MORC2: variants seen among roughly 807,000 people sequenced by gnomAD.
MORC2 encodes the protein ATPase MORC2.
A neutral mutation model predicts 136.0 loss-of-function variants in MORC2; 30 were observed. The observed-to-expected ratio is 0.22, with a 90% confidence interval of 0.17 to 0.30. The LOEUF (loss-of-function observed/expected upper bound fraction) is 0.30, where lower values mean the gene tolerates loss of function less well. Ranked by LOEUF, MORC2 falls within the 10% of genes least tolerant of loss-of-function variation. The pLI is 1.00. For missense variants in MORC2, 922 were observed against 1,333.1 expected, an observed-to-expected ratio of 0.69 and a Z score of 4.80; for synonymous variants, 439 against 487.0, an observed-to-expected ratio of 0.90 and a Z score of 1.30.
At chr22:30,939,149 A>G (rs1344975953) in intron 12 of MORC2, among the ~76,000 whole-genome samples, 3 of 152,198 alleles carry the variant, frequency 2.0e-5, no homozygotes, top group African/African-American at 4.8e-5. Context: ...TTCTAAATGC[A>G]AAAGTATACA....
chr22:30,967,319 T>C (rs2147335198), intron 1 of MORC2: 1 of 987,850 alleles, frequency 1.0e-6, no homozygotes, highest in Non-Finnish European at 1.2e-6. Context: ...TAATATTGGA[T>C]GTGAGCAATC....
chr22:30,943,763 C>T (rs1375303860), intron 6 of MORC2, among the ~76,000 whole-genome samples: 1 of 152,126 alleles, frequency 6.6e-6, no homozygotes, highest in Non-Finnish European at 1.5e-5. Flanking sequence ...GAGACGGAGT[C>T]TTGCTCTTGT....
intron 17 of MORC2, among the ~76,000 whole-genome samples, chr22:30,935,564 C>T (rs539790381): frequency 6.6e-6 from 1 of 152,210 alleles, no homozygotes; most frequent in East Asian, 1.9e-4. Flanking sequence ...TGTCAATAGA[C>T]TAAATTCCTA....
chr22:30,949,554 A>G (rs2072197580), intron 5 of MORC2, among the ~76,000 whole-genome samples, 198 bp downstream of exon 5: 1 of 152,228 alleles, frequency 6.6e-6, no homozygotes, highest in Non-Finnish European at 1.5e-5. Context: ...TTGGATGTTC[A>G]TACTTTTCAA....
At chr22:30,933,297 GA>G (rs1659077017) in intron 21 of MORC2, among the ~76,000 whole-genome samples, 168 bp downstream of exon 21, 1 of 152,288 alleles carries the variant, frequency 6.6e-6, no homozygotes, top group South Asian at 2.1e-4. Context: ...ACAAAGGGGT[GA>G]TCCCTTCAGA....
intron 3 of MORC2, among the ~76,000 whole-genome samples, chr22:30,951,138 G>C (rs1206630791): frequency 6.6e-6 from 1 of 152,232 alleles, no homozygotes; most frequent in Non-Finnish European, 1.5e-5. Flanking sequence ...GGACCTGCCT[G>C]ATGGGAAGAA....
rs12166075 is a variant in MORC2 at position 30,946,770 on chromosome 22, C to G, written c.318-321G>C. Among the ~76,000 whole-genome samples the G allele has an allele frequency of 0.027, 4,178 of 152,242 alleles. 192 individuals are homozygous for G. Among genetic ancestry groups the G allele is most frequent in the African/African-American group, 0.093 (3,875 of 41,508 alleles). ...ACCAGCCCCAGGTTAGTCTCACTCC[C>G]CCCACAACGCTGAAGAGTAACCCTG... On this transcript the variant is annotated intron_variant, in intron 5 of 25. Transcript: ENST00000397641.
Position 30,937,456 on chromosome 22 carries a change from G to A in MORC2, c.1498+127C>T. On this transcript the variant is annotated intron_variant, in intron 15 of 25. Coordinates refer to ENST00000397641, the MANE Select transcript of MORC2 (RefSeq NM_001303256.3). The surrounding 1 kb of genome is among the most constrained non-coding windows in gnomAD (Gnocchi z 4.7). Reference sequence around the variant, plus strand: ...GAGCTCACAGGGCCATCGTCAAACAGACTTGGATCCCTAGGGGACTGTAAG... The same window carrying A: ...GAGCTCACAGGGCCATCGTCAAACAAACTTGGATCCCTAGGGGACTGTAAG... 7.1e-7 allele frequency: 1 copy of A among 1,415,910 alleles called. No individual in the cohort carries two copies. The highest frequency in any genetic ancestry group is 2.3e-5 in the East Asian group (1 of 43,792). The allele number at this position is 1,415,910 out of a possible 1,614,324, so 87.7% of individuals were successfully genotyped here. A position where few individuals can be genotyped will look rare whatever the true frequency, so the allele number is the denominator to read the frequency against.
At chr22:30,958,509 G>C in intron 2 of MORC2, 132 bp downstream of exon 2, 1 of 534,996 alleles carries the variant, frequency 1.9e-6, no homozygotes, top group Non-Finnish European at 3.2e-6. Flanking sequence ...TTTAGTAAGA[G>C]GCATCCTAGG....
chr22:30,950,353 C>CCAAAAAAAAAAA, intron 4 of MORC2, 24 bp downstream of exon 4: 7 of 1,481,904 alleles, frequency 4.7e-6, no homozygotes, highest in East Asian at 2.3e-5. Flanking sequence ...CCCCACCCCC[C>CCAAAAAAAAAAA]AAAACAATAA....
intron 3 of MORC2, among the ~76,000 whole-genome samples, chr22:30,954,827 A>T (rs1286151470): frequency 1.3e-5 from 2 of 152,172 alleles, no homozygotes; most frequent in African/African-American, 4.8e-5. Flanking sequence ...TCTCTGCTTT[A>T]GCATCTGTGC....
At chr22:30,947,069 A>G (rs1446054207) in intron 5 of MORC2, among the ~76,000 whole-genome samples, 1 of 152,216 alleles carries the variant, frequency 6.6e-6, no homozygotes, top group Non-Finnish European at 1.5e-5. Flanking sequence ...AGGGGCTAAT[A>G]AAATATAATT....
intron 3 of MORC2, among the ~76,000 whole-genome samples, chr22:30,953,773 T>G (rs2147295087): frequency 6.6e-6 from 1 of 152,310 alleles, no homozygotes. Flanking sequence ...TGGTCTATAA[T>G]AATAATCCAA....
At chr22:30,951,414 A>G (rs1213339249) in intron 3 of MORC2, among the ~76,000 whole-genome samples, 1 of 152,234 alleles carries the variant, frequency 6.6e-6, no homozygotes, top group Non-Finnish European at 1.5e-5. Context: ...CTAGGTGAGC[A>G]AAAGAGAAAC....
chr22:30,937,043 G>A lies in MORC2; in HGVS notation c.1499-6C>T. 6.2e-7 allele frequency: 1 copy of A among 1,608,282 alleles called. No individual in the cohort carries two copies. The highest frequency in any genetic ancestry group is 1.1e-5 in the South Asian group (1 of 90,910). On this transcript the variant is annotated splice_polypyrimidine_tract_variant and splice_region_variant and intron_variant, in intron 15 of 25. Coordinates refer to ENST00000397641, the MANE Select transcript of MORC2 (RefSeq NM_001303256.3). The surrounding 1 kb of genome is among the most constrained non-coding windows in gnomAD (Gnocchi z 4.7). The stretch of plus-strand genomic sequence containing the variant: ...TCTCCATTTCAGACACAAATCTGCA[G>A]AGAGCAAAAAAACCCCACATATCAG...
At chr22:30,944,446 C>A (rs1270602326) in intron 6 of MORC2, among the ~76,000 whole-genome samples, 2 of 152,058 alleles carry the variant, frequency 1.3e-5, no homozygotes, top group East Asian at 3.9e-4. Flanking sequence ...TCTGGCTACC[C>A]CTTTGTCCCT....
chr22:30,928,137 G>A lies in MORC2; in HGVS notation c.2912C>T (p.Ser971Phe), dbSNP rs142559213. ...LCNSYQSRAD[S>F]RAKASEESLR... ...GCTTTCCTCGGAGGCCTTGGCCCGG[G>A]AGTCAGCACGGCTCTGGTAGGAATT... The change falls in exon 25 of 26, where the codon TCC becomes TTC. Residue 971 changes from serine to phenylalanine, a missense_variant. By Grantham distance (155) the Ser-to-Phe change is radical. Around this residue, in one of 9 missense-constraint regions of MORC2, gnomAD observed 263 missense variants for 388.3 expected, o/e 0.68. Transcript: ENST00000397641. The A allele has an allele frequency of 1.2e-6, 2 of 1,614,094 alleles. No individual in the cohort carries two copies. The highest frequency in any genetic ancestry group is 2.2e-5 in the South Asian group (2 of 91,072).
intron 3 of MORC2, among the ~76,000 whole-genome samples, chr22:30,951,403 A>C (rs1487576010): frequency 3.3e-5 from 5 of 152,206 alleles, no homozygotes; most frequent in African/African-American, 1.2e-4. Flanking sequence ...AATGATGAGG[A>C]CTAGGTGAGC....
Position 30,941,184 on chromosome 22 carries a change from G to C in MORC2, c.824+249C>G, listed in dbSNP as rs756999522. 1.3e-5 allele frequency among the ~76,000 whole-genome samples: 2 copies of C among 152,150 alleles called. No homozygotes were observed. The highest frequency in any genetic ancestry group is 2.9e-5 in the Non-Finnish European group (2 of 68,036). On this transcript the variant is annotated intron_variant, in intron 9 of 25. Coordinates refer to ENST00000397641, the MANE Select transcript of MORC2 (RefSeq NM_001303256.3). The surrounding 1 kb of genome is among the most constrained non-coding windows in gnomAD (Gnocchi z 4.6). ...GAGACTCAGACAGCTCACTGAGCCA[G>C]GCAGGGCACCCTCCCTGTCACAGAG...
Sources: gnomAD v4.1 joint callset for allele counts (sites outside exome capture counted in the v4.1 genomes callset) on GRCh38, gnomAD v4.1.1 for gene constraint, gnomAD v4.1.1 regional missense constraint, Gnocchi (gnomAD v3.1) non-coding constraint, MANE v1.5 for transcripts, NCBI Gene and HGNC (gene_info 2026-07-23, HGNC 2026-07-21) for gene names.